Variants in BLVRA observed in about 807,000 individuals in gnomAD.
BLVRA encodes BVR A.
A neutral mutation model predicts 32.8 loss-of-function variants in BLVRA; 22 were observed. The observed-to-expected ratio is 0.67, with a 90% confidence interval of 0.48 to 0.96. BLVRA has a LOEUF of 0.96. Ranked by LOEUF, BLVRA falls within the 40% of genes least tolerant of loss-of-function variation. The probability of loss-of-function intolerance (pLI) is 0.00; values close to 1 mark genes in which losing one functional copy is unlikely to be tolerated. For missense variants in BLVRA, 323 were observed against 358.1 expected, an observed-to-expected ratio of 0.90 and a Z score of 0.79; for synonymous variants, 119 against 141.3, an observed-to-expected ratio of 0.84 and a Z score of 1.12.
intron 5 of BLVRA, 148 bp downstream of exon 5, chr7:43,792,960 A>G: frequency 1.3e-6 from 1 of 789,374 alleles, no homozygotes; most frequent in Middle Eastern, 3.3e-4. Context: ...CCCACACTGT[A>G]AACACAGATA....
chr7:43,766,171 A>G (rs1194619617), intron 1 of BLVRA, among the ~76,000 whole-genome samples: 1 of 151,930 alleles, frequency 6.6e-6, no homozygotes, highest in African/African-American at 2.4e-5. Context: ...CTGTAATCCC[A>G]GCTACTCAGG....
At chr7:43,790,065 T>C (rs1285497173) in intron 3 of BLVRA, among the ~76,000 whole-genome samples, 1 of 152,134 alleles carries the variant, frequency 6.6e-6, no homozygotes, top group African/African-American at 2.4e-5. Context: ...CATAATACTC[T>C]TTGGGAGCTA....
chr7:43,789,876 CGTGTGTGT>C (rs141385505), intron 3 of BLVRA, among the ~76,000 whole-genome samples: 4 of 149,022 alleles, frequency 2.7e-5, no homozygotes, highest in Admixed American at 6.7e-5. Flanking sequence ...GTGGTATGTA[CGTGTGTGT>C]GTGTGTGTGT....
chr7:43,806,480 G>T (rs978984802), intron 7 of BLVRA, among the ~76,000 whole-genome samples: 1 of 152,176 alleles, frequency 6.6e-6, no homozygotes, highest in Non-Finnish European at 1.5e-5. Context: ...AGTGGCTCAC[G>T]CCTGTAATCC....
intron 7 of BLVRA, 103 bp downstream of exon 7, chr7:43,803,950 A>C: frequency 7.4e-7 from 1 of 1,342,902 alleles, no homozygotes; most frequent in East Asian, 2.3e-5. Flanking sequence ...CCTCACTCCC[A>C]GCTCCAGAAG....
chr7:43,790,925 G>A (rs1291357027), intron 3 of BLVRA, among the ~76,000 whole-genome samples: 2 of 152,128 alleles, frequency 1.3e-5, no homozygotes, highest in East Asian at 1.9e-4. Flanking sequence ...CACCCACCTC[G>A]GCCTCCCAAA....
chr7:43,799,663 C>T (rs191706886), intron 5 of BLVRA, among the ~76,000 whole-genome samples: 1 of 151,900 alleles, frequency 6.6e-6, no homozygotes, highest in Non-Finnish European at 1.5e-5. Flanking sequence ...TTGTAGAGGC[C>T]AGGTTTTGCC....
At chr7:43,801,409 C>G (rs1200846969) in intron 6 of BLVRA, among the ~76,000 whole-genome samples, 4 of 152,190 alleles carry the variant, frequency 2.6e-5, no homozygotes, top group African/African-American at 4.8e-5. Flanking sequence ...CTTGTGGCCA[C>G]TTTTGGATGG....
In BLVRA at chr7:43,800,956, A is replaced by G. The variant is rs1469626930; in HGVS notation, c.460+384A>G. On this transcript the variant is annotated intron_variant, in intron 6 of 7. Transcript: ENST00000265523. ...AGTTACAAGGACATTGGCAGCAACC[A>G]CAGTATTTATTTATTTATTTATAAT... is the stretch of plus-strand genomic sequence containing the variant. 4.6e-5 allele frequency among the ~76,000 whole-genome samples: 7 copies of G among 152,118 alleles called. No individual in the cohort carries two copies. In the East Asian group the frequency reaches 7.7e-4, roughly 17 times the overall value.
intron 1 of BLVRA, among the ~76,000 whole-genome samples, chr7:43,768,786 G>A (rs1257505132): frequency 6.6e-6 from 1 of 152,066 alleles, no homozygotes; most frequent in African/African-American, 2.4e-5. Context: ...GGGCCTCCAG[G>A]TAGCCAGGGG....
In BLVRA at chr7:43,787,783, CT is replaced by C. The variant is rs1291996925; in HGVS notation, c.13-120del. The C allele has an allele frequency of 1.0e-5, 15 of 1,475,504 alleles. No homozygotes were observed. In the Admixed American group the frequency reaches 2.4e-4, roughly 23 times the overall value. The allele number at this position is 1,475,504 out of a possible 1,614,324, so 91.4% of individuals were successfully genotyped here. On this transcript the variant is annotated intron_variant, in intron 2 of 7. Coordinates refer to ENST00000265523, the MANE Select transcript of BLVRA (RefSeq NM_000712.4). The surrounding 1 kb of genome is among the most constrained non-coding windows in gnomAD (Gnocchi z 4.5). The stretch of plus-strand genomic sequence containing the variant: ...CATCCCATCCTGATGCTGTGGCTTC[CT>C]GTGTGTTTTGGGCTGGCTTCCATCT...
intron 5 of BLVRA, among the ~76,000 whole-genome samples, chr7:43,797,341 G>A (rs1368085871): frequency 6.6e-6 from 1 of 152,258 alleles, no homozygotes; most frequent in Non-Finnish European, 1.5e-5. Flanking sequence ...GCCTGCCTGA[G>A]CCTCCCAAAG....
intron 2 of BLVRA, among the ~76,000 whole-genome samples, chr7:43,783,011 C>T (rs1458769177): frequency 6.6e-6 from 1 of 152,118 alleles, no homozygotes; most frequent in East Asian, 1.9e-4. Context: ...CAGCAGAGGA[C>T]TCTGAGCACT....
At chr7:43,765,163 T>C (rs2095746443) in intron 1 of BLVRA, among the ~76,000 whole-genome samples, 2 of 152,262 alleles carry the variant, frequency 1.3e-5, no homozygotes, top group Non-Finnish European at 2.9e-5. Flanking sequence ...TTGACTTTTT[T>C]CTTTCAACTT....
intron 1 of BLVRA, among the ~76,000 whole-genome samples, chr7:43,760,916 G>A (rs959613937): frequency 4.6e-5 from 7 of 151,926 alleles, no homozygotes; most frequent in Non-Finnish European, 1.0e-4. Context: ...TTACAGGCAC[G>A]CACCACCATG....
chr7:43,789,207 T>G (rs778326354), intron 3 of BLVRA, among the ~76,000 whole-genome samples: 64 of 152,220 alleles, frequency 4.2e-4, no homozygotes, highest in Admixed American at 1.0e-3. Context: ...GACATGGTAG[T>G]GAGCAAGTTA....
In BLVRA at chr7:43,791,367, A is replaced by T. The variant is rs771813440; in HGVS notation, c.253A>T (p.Arg85Trp). 1 of 1,614,196 alleles carries T rather than the reference A, an allele frequency of 6.2e-7. No individual in the cohort carries two copies. ...GAGCTCCAGCCATGAGGACTACATC[A>T]GGTGGGTTTTCCACACAGGCAGTCC... ...SESSSHEDYI[R>W]QFLNAGKHVL... The change falls in exon 4 of 8, where the codon AGG becomes TGG. Residue 85 changes from arginine to tryptophan, a missense_variant and splice_region_variant. Coordinates refer to ENST00000265523, the MANE Select transcript of BLVRA (RefSeq NM_000712.4).
chr7:43,767,143 G>T, intron 1 of BLVRA: 3 of 466,262 alleles, frequency 6.4e-6, no homozygotes, highest in Non-Finnish European at 1.2e-5. Context: ...CTTTTGTTTT[G>T]CTTTCCCCAG....
In BLVRA at chr7:43,787,807, T is replaced by C; in HGVS notation, c.13-97T>C. The C allele has an allele frequency of 6.3e-7, 1 of 1,593,622 alleles. No homozygotes were observed. Among genetic ancestry groups the C allele is most frequent in the Admixed American group, 1.7e-5 (1 of 59,946 alleles). ...CCTGTGTGTTTTGGGCTGGCTTCCA[T>C]CTTGCTCGTCGGGACCCTGCCAGCT... On this transcript the variant is annotated intron_variant, in intron 2 of 7. Transcript: ENST00000265523. The surrounding 1 kb of genome is among the most constrained non-coding windows in gnomAD (Gnocchi z 4.5).
Sources: gnomAD v4.1 joint callset for allele counts (sites outside exome capture counted in the v4.1 genomes callset) on GRCh38, gnomAD v4.1.1 for gene constraint, Gnocchi (gnomAD v3.1) non-coding constraint, MANE v1.5 for transcripts, NCBI Gene and HGNC (gene_info 2026-07-23, HGNC 2026-07-21) for gene names.